XK: variants seen among roughly 807,000 people sequenced by gnomAD.
XK encodes X-linked Kx blood group antigen, Kell and VPS13A binding protein.
Under a neutral mutation model 14.0 loss-of-function variants are expected in XK, and 2 were observed. That is an observed-to-expected ratio of 0.14 (90% confidence interval 0.06 to 0.45). XK has a LOEUF of 0.45. Among genes scored for constraint, XK ranks in the 20% least tolerant of loss-of-function variants. XK has a pLI of 0.98. For missense variants in XK, 235 were observed against 341.5 expected (o/e 0.69, Z 2.46); for synonymous variants, 149 against 147.5 (o/e 1.01, Z -0.08).
chrX:37,720,335 G>A (rs782543680), intron 2 of XK, among the ~76,000 whole-genome samples: 1 of 110,430 alleles, frequency 9.1e-6, no homozygotes, highest in South Asian at 3.8e-4. Context: ...TGTTTGCCTA[G>A]TTGTTCTTGA....
intron 2 of XK, among the ~76,000 whole-genome samples, chrX:37,712,011 A>C (rs941777223): frequency 2.7e-5 from 3 of 111,704 alleles, no homozygotes; most frequent in Admixed American, 9.5e-5. Flanking sequence ...AGTCAGATGG[A>C]TAGAAGGTGG....
Position 37,685,958 on chromosome X carries a change from G to A in XK, c.-4G>A. 1 of 1,205,229 alleles carries A rather than the reference G, an allele frequency of 8.3e-7. No individual in the cohort carries two copies. The stretch of plus-strand genomic sequence containing the variant: ...TCCCCGGTGAGCGCCGCTGACGCGC[G>A]GAGATGAAATTCCCGGCCTCGGTGC... On this transcript the variant is annotated 5_prime_UTR_variant, in exon 1 of 3. Transcript: ENST00000378616.
intron 1 of XK, among the ~76,000 whole-genome samples, chrX:37,689,638 G>C (rs1481377346): frequency 1.8e-5 from 2 of 111,593 alleles, no homozygotes; most frequent in Admixed American, 1.9e-4. Context: ...CTTTCCTTTA[G>C]GGAGGCATAG....
At chrX:37,692,785 A>G (rs1406486894) in intron 1 of XK, among the ~76,000 whole-genome samples, 1 of 112,585 alleles carries the variant, frequency 8.9e-6, no homozygotes, top group Non-Finnish European at 1.9e-5. Context: ...TCAGTCATTA[A>G]TTTGAGTTTT....
chrX:37,706,778 C>T (rs1246136590), intron 2 of XK, among the ~76,000 whole-genome samples: 5 of 109,062 alleles, frequency 4.6e-5, no homozygotes, highest in African/African-American at 1.7e-4. Flanking sequence ...GAGGACCCTG[C>T]GGCCTTCTGC....
Position 37,727,792 on chromosome X carries a change from G to A in XK, c.665G>A (p.Arg222Gln). ...TGGAGGAGCTTTGAGATTGCCACTC[G>A]AGTTGTAGTCCTGGTCCTCTTTACC... ...FLWRSFEIAT[R>Q]VVVLVLFTSV... Residue 222 changes from arginine to glutamine, a missense_variant, in exon 3 of 3, where the codon CGA becomes CAA. Transcript: ENST00000378616. 1 of 1,211,140 alleles carries A rather than the reference G, an allele frequency of 8.3e-7. No individual in the cohort carries two copies. The highest frequency in any genetic ancestry group is 1.7e-5 in the African/African-American group (1 of 57,647).
At chrX:37,712,581 G>C (rs1462406850) in intron 2 of XK, among the ~76,000 whole-genome samples, 1 of 111,931 alleles carries the variant, frequency 8.9e-6, no homozygotes, top group Non-Finnish European at 1.9e-5. Flanking sequence ...GCGAGAATAT[G>C]GGGTACTTTT....
chrX:37,686,772 T>C (rs1241274179), intron 1 of XK, among the ~76,000 whole-genome samples: 2 of 111,629 alleles, frequency 1.8e-5, no homozygotes, highest in African/African-American at 6.5e-5. Context: ...TATGGAAACA[T>C]ATGGGGTTCT....
chrX:37,721,079 A>C lies in XK; in HGVS notation c.509-6557A>C, dbSNP rs185129549. 2.1e-4 allele frequency among the ~76,000 whole-genome samples: 23 copies of C among 111,202 alleles called. No homozygotes were observed. In the East Asian group the frequency reaches 3.1e-3, roughly 15 times the overall value. ...AGTTCTGTATTTAGTTCTTTGAGAAATCTTCACACTGTTTTACATAGATCT... is the reference window on the plus strand; with the variant it reads ...AGTTCTGTATTTAGTTCTTTGAGAACTCTTCACACTGTTTTACATAGATCT... On this transcript the variant is annotated intron_variant, in intron 2 of 2. Coordinates refer to ENST00000378616, the MANE Select transcript of XK (RefSeq NM_021083.4).
intron 2 of XK, among the ~76,000 whole-genome samples, chrX:37,700,478 G>A (rs956317618): frequency 1.8e-5 from 2 of 112,262 alleles, no homozygotes; most frequent in Non-Finnish European, 1.9e-5. Context: ...GGTTGGAGGT[G>A]TCCTTGAGAC....
At chrX:37,691,461 T>C (rs891828425) in intron 1 of XK, among the ~76,000 whole-genome samples, 3 of 112,431 alleles carry the variant, frequency 2.7e-5, no homozygotes, top group African/African-American at 9.7e-5. Flanking sequence ...TCTTTACTAA[T>C]ATTTTTATAA....
chrX:37,696,743 G>C (rs1556442520), intron 2 of XK, among the ~76,000 whole-genome samples: 1 of 112,133 alleles, frequency 8.9e-6, no homozygotes, highest in Non-Finnish European at 1.9e-5. Flanking sequence ...ATTGGAAGTA[G>C]ACAGTTGCTG....
At chrX:37,710,391 A>G (rs182227666) in intron 2 of XK, among the ~76,000 whole-genome samples, 21 of 112,575 alleles carry the variant, frequency 1.9e-4, no homozygotes, top group African/African-American at 6.4e-4. Flanking sequence ...AGGTGAATCT[A>G]TTGGACATCT....
chrX:37,729,596 G>A lies in XK; in HGVS notation c.*1134G>A, dbSNP rs1435946863. On this transcript the variant is annotated 3_prime_UTR_variant, in exon 3 of 3. Transcript: ENST00000378616. ...GTTCTATATAATTTTTCCTTTAATC[G>A]GAGACCCTATTTGTTTCATTAAAGA... The A allele has an allele frequency of 9.0e-6, 1 of 111,069 alleles. No individual in the cohort carries two copies. The highest frequency in any genetic ancestry group is 1.9e-5 in the Non-Finnish European group (1 of 52,917). The allele number at this position is 111,069 out of a possible 1,213,427, so 9.2% of individuals were successfully genotyped here.
chrX:37,709,732 T>C (rs1927623036), intron 2 of XK, among the ~76,000 whole-genome samples: 1 of 112,443 alleles, frequency 8.9e-6, no homozygotes, highest in Admixed American at 9.4e-5. Flanking sequence ...ATATAAGCAG[T>C]TATTTTTCTG....
intron 1 of XK, among the ~76,000 whole-genome samples, chrX:37,692,044 T>A (rs953012925): frequency 3.6e-5 from 4 of 111,896 alleles, no homozygotes; most frequent in Non-Finnish European, 7.5e-5. Flanking sequence ...TGTTAAGGAA[T>A]GTATAATGTT....
intron 2 of XK, among the ~76,000 whole-genome samples, chrX:37,715,214 T>A (rs1927745516): frequency 9.0e-6 from 1 of 110,785 alleles, no homozygotes; most frequent in African/African-American, 3.3e-5. Flanking sequence ...AGATATATAT[T>A]TTTTTCCTTT....
chrX:37,689,578 A>G (rs1355196313), intron 1 of XK, among the ~76,000 whole-genome samples: 1 of 112,037 alleles, frequency 8.9e-6, no homozygotes, highest in Non-Finnish European at 1.9e-5. Flanking sequence ...ACTGCAATAC[A>G]TTACACTAAT....
In XK at chrX:37,728,065, A is replaced by G. The variant is rs1556450456; in HGVS notation, c.938A>G (p.Asn313Ser). 1 of 1,211,358 alleles carries G rather than the reference A, an allele frequency of 8.3e-7. No homozygotes were observed. The highest frequency in any genetic ancestry group is 2.2e-5 in the Admixed American group (1 of 45,930). ...CCTGACCTCATCAGCAAGTCCCATAATTGGTACCAGCTACTGGTGTATTAC... is the reference window on the plus strand; with the variant it reads ...CCTGACCTCATCAGCAAGTCCCATAGTTGGTACCAGCTACTGGTGTATTAC... ...DSPDLISKSH[N>S]WYQLLVYYMI... The change falls in exon 3 of 3, where the codon AAT becomes AGT. Residue 313 changes from asparagine to serine, a missense_variant. By Grantham distance (46) the Asn-to-Ser change is conservative. Coordinates refer to ENST00000378616, the MANE Select transcript of XK (RefSeq NM_021083.4).
Sources: gnomAD v4.1 joint callset for allele counts (sites outside exome capture counted in the v4.1 genomes callset) on GRCh38, gnomAD v4.1.1 for gene constraint, MANE v1.5 for transcripts, NCBI Gene and HGNC (gene_info 2026-07-23, HGNC 2026-07-21) for gene names.